The following HTR3B variants were observed in gnomAD, a reference collection of about 807,000 sequenced individuals.
HTR3B encodes 5-hydroxytryptamine receptor 3B.
In HTR3B, 44 loss-of-function variants were observed where a neutral mutation model predicts 42.8. That is an observed-to-expected ratio of 1.03 (90% CI 0.81 to 1.32). The LOEUF is 1.32. Among genes scored for constraint, HTR3B ranks in the 40% most tolerant of loss-of-function variants. The pLI, the probability that HTR3B is intolerant of heterozygous loss-of-function variation, is 0.00. For missense variants in HTR3B, 527 were observed against 536.5 expected (o/e 0.98, Z 0.17); for synonymous variants, 203 against 209.0 (o/e 0.97, Z 0.25).
At chr11:113,919,150 C>T (rs1384057263) in intron 2 of HTR3B, among the ~76,000 whole-genome samples, 1 of 151,992 alleles carries the variant, frequency 6.6e-6, no homozygotes, top group African/African-American at 2.4e-5. Flanking sequence ...TTTTAGCGAT[C>T]CATCTTTGTA....
At chr11:113,922,601 G>A (rs1949927124) in intron 2 of HTR3B, among the ~76,000 whole-genome samples, 1 of 151,992 alleles carries the variant, frequency 6.6e-6, no homozygotes, top group South Asian at 2.1e-4. Context: ...TGTCGCCCAG[G>A]CTGGAGTGCA....
intron 2 of HTR3B, among the ~76,000 whole-genome samples, chr11:113,925,417 G>GTTTTTTT (rs201996305): frequency 8.9e-5 from 9 of 100,716 alleles, no homozygotes; most frequent in African/African-American, 1.5e-4. Flanking sequence ...TTACGAATTT[G>GTTTTTTT]TTTTTTTTTT....
rs766115973 is a variant in HTR3B, at chr11:113,932,899, T to G, written c.539-37T>G. On this transcript the variant is annotated intron_variant, in intron 5 of 8. Coordinates refer to ENST00000260191, the MANE Select transcript of HTR3B (RefSeq NM_006028.5). ...AAGTGGGTGGATGTTGGCATCTCTT[T>G]CTCTCTGGGAAAGTCAATTGTTTGT... 11 of 1,601,370 alleles carry G rather than the reference T, an allele frequency of 6.9e-6. No homozygotes were observed. The South Asian group carries it at 1.2e-4, about 18-fold the overall frequency.
chr11:113,928,255 T>G (rs1348275464), intron 2 of HTR3B, among the ~76,000 whole-genome samples: 1 of 152,232 alleles, frequency 6.6e-6, no homozygotes, highest in Non-Finnish European at 1.5e-5. Flanking sequence ...ACGGTATATA[T>G]GTACCACATT....
chr11:113,929,738 T>TTTTTA (rs909382912), intron 2 of HTR3B, among the ~76,000 whole-genome samples: 4 of 152,118 alleles, frequency 2.6e-5, no homozygotes, highest in African/African-American at 9.7e-5. Context: ...TTTATTTTTA[T>TTTTTA]TTTTATTTTT....
At chr11:113,909,851 A>G (rs1198901601) in intron 2 of HTR3B, among the ~76,000 whole-genome samples, 4 of 151,972 alleles carry the variant, frequency 2.6e-5, no homozygotes, top group Non-Finnish European at 5.9e-5. Flanking sequence ...GGCCATGGTG[A>G]TGCATGCCTG....
At chr11:113,928,523 CAT>C (rs1169457243) in intron 2 of HTR3B, among the ~76,000 whole-genome samples, 2 of 152,138 alleles carry the variant, frequency 1.3e-5, no homozygotes, top group African/African-American at 2.4e-5. Context: ...CATGTTGTAA[CAT>C]GTGTCAGAAT....
At chr11:113,922,125 C>A (rs73554902) in intron 2 of HTR3B, among the ~76,000 whole-genome samples, 3,371 of 152,258 alleles carry the variant, frequency 0.022, 101 homozygotes, top group African/African-American at 0.074. Context: ...TCCTTCAAAT[C>A]TCAGCTCTTA....
intron 2 of HTR3B, among the ~76,000 whole-genome samples, chr11:113,922,537 T>C (rs1291242972): frequency 6.7e-6 from 1 of 149,436 alleles, no homozygotes; most frequent in East Asian, 2.0e-4. Context: ...CTGAGCCAAG[T>C]CTGTGTTTTT....
chr11:113,906,450 A>G (rs1949735298), intron 1 of HTR3B, among the ~76,000 whole-genome samples: 1 of 152,162 alleles, frequency 6.6e-6, no homozygotes, highest in African/African-American at 2.4e-5. Context: ...TTTATTTTGG[A>G]TATTCATGAC....
At chr11:113,913,677 G>A (rs1025358764) in intron 2 of HTR3B, among the ~76,000 whole-genome samples, 1 of 150,804 alleles carries the variant, frequency 6.6e-6, no homozygotes, top group Non-Finnish European at 1.5e-5. Flanking sequence ...ATCACACCCG[G>A]CTAATTTTTC....
chr11:113,926,622 G>C (rs554125022), intron 2 of HTR3B, among the ~76,000 whole-genome samples: 1 of 151,650 alleles, frequency 6.6e-6, no homozygotes, highest in Non-Finnish European at 1.5e-5. Flanking sequence ...TTCAGCTCCC[G>C]GGTTCAAGTG....
Position 113,945,894 on chromosome 11 carries a change from TCA to T in HTR3B, c.1091-3_1091-2del. The T allele has an allele frequency of 1.2e-6, 2 of 1,607,926 alleles. No homozygotes were observed. The highest frequency in any genetic ancestry group is 1.7e-6 in the Non-Finnish European group (2 of 1,174,378). On this transcript the variant is annotated splice_region_variant and splice_polypyrimidine_tract_variant and intron_variant, in intron 8 of 8. Coordinates refer to ENST00000260191, the MANE Select transcript of HTR3B (RefSeq NM_006028.5). ...GGCTCACCCAGGGTGTTTTCCTCCATCACACAGAGTCCTCGCTGTATGGAGAG... is the reference window on the plus strand; with the variant it reads ...GGCTCACCCAGGGTGTTTTCCTCCATCACAGAGTCCTCGCTGTATGGAGAG...
intron 1 of HTR3B, among the ~76,000 whole-genome samples, chr11:113,908,334 T>C (rs1450260351): frequency 6.6e-6 from 1 of 152,192 alleles, no homozygotes; most frequent in Non-Finnish European, 1.5e-5. Flanking sequence ...GGATCCCTCA[T>C]ACCTTTGGCA....
upstream of HTR3B, among the ~76,000 whole-genome samples, chr11:113,900,623 A>G (rs1191232110): frequency 6.6e-6 from 1 of 152,102 alleles, no homozygotes; most frequent in Non-Finnish European, 1.5e-5. Context: ...CCTCCTGAGT[A>G]GCTGGGATAA....
rs1950198373 is a variant in HTR3B at position 113,948,782 on chromosome 11, G to A, written c.*2645G>A. ...GGGGGCTGAGGCAGGAGAATCGCTTGAACCCAGGAGGTGGAGGTTGCGGTG... is the reference window on the plus strand; with the variant it reads ...GGGGGCTGAGGCAGGAGAATCGCTTAAACCCAGGAGGTGGAGGTTGCGGTG... On this transcript the variant is annotated 3_prime_UTR_variant, in exon 9 of 9. Transcript: ENST00000260191. Among the ~76,000 whole-genome samples the A allele has an allele frequency of 6.6e-6, 1 of 151,604 alleles. No individual in the cohort carries two copies. Among genetic ancestry groups the A allele is most frequent in the Non-Finnish European group, 1.5e-5 (1 of 68,008 alleles).
rs753651203 is a variant in HTR3B, at chr11:113,944,730, C to T, written c.1065C>T (p.Pro355=). ...ATGCTGACAGGCCTAGAGTGGAACC[C>T]AGGGCCCAACGTGCTGTGGTAACAG... ...DTDADRPRVE[P]RAQRAVVTES... The change falls in exon 8 of 9, where the codon CCC becomes CCT. Residue 355 remains proline (P), a synonymous_variant. Coordinates refer to ENST00000260191, the MANE Select transcript of HTR3B (RefSeq NM_006028.5). The T allele has an allele frequency of 1.2e-5, 19 of 1,613,998 alleles. 1 individual carries two copies. In the South Asian group the frequency reaches 1.5e-4, roughly 13 times the overall value.
upstream of HTR3B, among the ~76,000 whole-genome samples, chr11:113,902,169 C>A (rs1949700992): frequency 6.6e-6 from 1 of 152,174 alleles, no homozygotes; most frequent in Non-Finnish European, 1.5e-5. Context: ...ATTACTCTTT[C>A]TTCTGAAATA....
intron 2 of HTR3B, among the ~76,000 whole-genome samples, chr11:113,915,989 C>T (rs891475518): frequency 2.6e-4 from 39 of 152,178 alleles, no homozygotes; most frequent in African/African-American, 8.7e-4. Context: ...CAGGCACCCA[C>T]GACCGTGCCT....
Sources: gnomAD v4.1 joint callset for allele counts (sites outside exome capture counted in the v4.1 genomes callset) on GRCh38, gnomAD v4.1.1 for gene constraint, MANE v1.5 for transcripts, NCBI Gene and HGNC (gene_info 2026-07-23, HGNC 2026-07-21) for gene names.